XRCC5: variants seen among roughly 807,000 people sequenced by gnomAD.
XRCC5 encodes DNA repair protein Ku80.
A neutral mutation model predicts 95.7 loss-of-function variants in XRCC5; 12 were observed. The ratio of observed to expected loss-of-function variants is 0.13; its 90% CI spans 0.08 to 0.20. The LOEUF (loss-of-function observed/expected upper bound fraction) is 0.20. Ranked by LOEUF, XRCC5 falls within the 10% of genes least tolerant of loss-of-function variation. XRCC5 has a pLI of 1.00. For missense variants in XRCC5, 595 were observed against 873.9 expected (o/e 0.68, Z 4.02); for synonymous variants, 281 against 290.3 (o/e 0.97, Z 0.33).
intron 16 of XRCC5, among the ~76,000 whole-genome samples, chr2:216,184,848 A>G (rs1689464906): frequency 1.3e-5 from 2 of 152,190 alleles, no homozygotes; most frequent in South Asian, 4.1e-4. Context: ...TTGTGAGTTC[A>G]TAACACACTG....
intron 16 of XRCC5, among the ~76,000 whole-genome samples, chr2:216,164,795 G>C (rs1045748370): frequency 6.6e-5 from 10 of 152,004 alleles, no homozygotes; most frequent in African/African-American, 2.4e-4. Context: ...GAAATGCCAG[G>C]TTTAAGTGCT....
chr2:216,154,268 C>G (rs1400767697), intron 14 of XRCC5, among the ~76,000 whole-genome samples: 1 of 152,282 alleles, frequency 6.6e-6, no homozygotes, highest in East Asian at 1.9e-4. Context: ...TAGTTCTTTC[C>G]CTTTACTGTG....
intron 1 of XRCC5, among the ~76,000 whole-genome samples, 175 bp from the exon 2 acceptor site, chr2:216,112,841 G>T (rs966477716): frequency 2.6e-5 from 4 of 152,186 alleles, no homozygotes; most frequent in Non-Finnish European, 5.9e-5. Flanking sequence ...CTATTTAAGG[G>T]TTTTCCATAG....
intron 13 of XRCC5, among the ~76,000 whole-genome samples, chr2:216,143,628 G>C (rs530467208): frequency 1.1e-4 from 17 of 151,604 alleles, no homozygotes; most frequent in African/African-American, 4.1e-4. Flanking sequence ...TCTTCACTAG[G>C]ATACATAAAC....
chr2:216,205,312 T>G lies in XRCC5; in HGVS notation c.*110T>G, dbSNP rs917431729. On this transcript the variant is annotated 3_prime_UTR_variant, in exon 21 of 21. Coordinates refer to ENST00000392132, the MANE Select transcript of XRCC5 (RefSeq NM_021141.4). ...AAGGGGAGCCAAAATCTCAAGAAAT[T>G]CCCAGCAGGTTACCTGGAGGCGGAT... 7.5e-6 allele frequency: 10 copies of G among 1,333,314 alleles called. No homozygotes were observed. Among genetic ancestry groups the G allele is most frequent in the Non-Finnish European group, 1.1e-5 (10 of 924,934 alleles). 82.6% of individuals were successfully genotyped at this position (1,333,314 alleles called of 1,614,324 possible).
intron 16 of XRCC5, among the ~76,000 whole-genome samples, chr2:216,187,821 A>ACACACACACACACACACACACC (rs1312215177): frequency 4.2e-5 from 2 of 47,948 alleles, no homozygotes; most frequent in African/African-American, 2.0e-4. Context: ...ACACACACAC[A>ACACACACACACACACACACACC]CTCTCTCTCT....
At chr2:216,191,748 A>G (rs1689617404) in intron 17 of XRCC5, among the ~76,000 whole-genome samples, 1 of 152,170 alleles carries the variant, frequency 6.6e-6, no homozygotes, top group Non-Finnish European at 1.5e-5. Flanking sequence ...ATTAAGTTTT[A>G]TGGAACAATT....
intron 16 of XRCC5, among the ~76,000 whole-genome samples, chr2:216,184,032 C>CTGTGTGTGTGTGTGTGTGTGTGTG (rs3221952): frequency 3.6e-4 from 53 of 145,630 alleles, no homozygotes; most frequent in Non-Finnish European, 6.8e-4. Context: ...TAAGTCAGCA[C>CTGTGTGTGTGTGTGTGTGTGTGTG]TGTGTGTGTG....
intron 16 of XRCC5, among the ~76,000 whole-genome samples, chr2:216,174,159 T>G (rs1194833700): frequency 6.6e-6 from 1 of 151,804 alleles, no homozygotes; most frequent in African/African-American, 2.4e-5. Context: ...GCTTTTGTTT[T>G]GTTTTGTTTT....
At position 216,162,108 on chromosome 2, in the gene XRCC5, C is replaced by T. The variant is rs1228013815; in HGVS notation, c.1834+60C>T. On this transcript the variant is annotated intron_variant, in intron 16 of 20. Transcript: ENST00000392132. ...TTAGTTAAGCTAACTAATTTAAAGT[C>T]TAGATTAAGAACTGTAGCCTTTTGT... 10 of 1,464,990 alleles carry T rather than the reference C, an allele frequency of 6.8e-6. No individual in the cohort carries two copies. In the East Asian group the frequency reaches 2.0e-4, roughly 30 times the overall value. The allele number at this position is 1,464,990 out of a possible 1,614,324, so 90.7% of individuals were successfully genotyped here. A position where few individuals can be genotyped will look rare whatever the true frequency, so the allele number is the denominator to read the frequency against.
chr2:216,175,149 A>G (rs1689249295), intron 16 of XRCC5: 1 of 339,266 alleles, frequency 2.9e-6, no homozygotes, highest in Non-Finnish European at 5.8e-6. Context: ...TGTGGTTTTC[A>G]TATCCTGGTT....
intron 18 of XRCC5, among the ~76,000 whole-genome samples, chr2:216,194,010 C>T (rs1266885657): frequency 6.6e-6 from 1 of 152,214 alleles, no homozygotes; most frequent in African/African-American, 2.4e-5. Context: ...CCCTAGTCCT[C>T]TGGCCACTCT....
intron 8 of XRCC5, among the ~76,000 whole-genome samples, chr2:216,130,236 C>CT (rs5838568): frequency 0.35 from 43,685 of 125,602 alleles, 7,384 homozygotes; most frequent in East Asian, 0.69. Flanking sequence ...CAGGGCTGGA[C>CT]TTTTTTTTTT....
chr2:216,196,431 T>C (rs536059148), intron 19 of XRCC5, among the ~76,000 whole-genome samples: 1 of 152,292 alleles, frequency 6.6e-6, no homozygotes, highest in South Asian at 2.1e-4. Flanking sequence ...TGTTTGATAA[T>C]ATCTCCTCAT....
At chr2:216,159,585 CAG>C (rs1216403668) in intron 14 of XRCC5, among the ~76,000 whole-genome samples, 2 of 151,628 alleles carry the variant, frequency 1.3e-5, no homozygotes. Context: ...CAGTTGTAAA[CAG>C]AGGCTTATAA....
At chr2:216,200,371 A>C (rs66477447) in intron 19 of XRCC5, among the ~76,000 whole-genome samples, 31,066 of 151,914 alleles carry the variant, frequency 0.2, 4,526 homozygotes, top group African/African-American at 0.42. Flanking sequence ...CCCTGTTGGA[A>C]CCTGTGACAT....
chr2:216,110,451 T>C (rs1402883090), intron 1 of XRCC5: 1 of 152,234 alleles, frequency 6.6e-6, no homozygotes, highest in Non-Finnish European at 1.5e-5. Context: ...CACCTCCTTT[T>C]TTCGTCCTCT....
chr2:216,189,802 T>G, intron 16 of XRCC5, among the ~76,000 whole-genome samples: 1 of 152,172 alleles, frequency 6.6e-6, no homozygotes, highest in Middle Eastern at 3.2e-3. Flanking sequence ...ACAATTATCC[T>G]GAGTAGAATT....
chr2:216,162,971 A>G (rs956230383), intron 16 of XRCC5, among the ~76,000 whole-genome samples: 31 of 152,326 alleles, frequency 2.0e-4, no homozygotes, highest in African/African-American at 6.0e-4. Context: ...AATGGTGGCA[A>G]CTGGCAGTTG....
Sources: gnomAD v4.1 joint callset for allele counts (sites outside exome capture counted in the v4.1 genomes callset) on GRCh38, gnomAD v4.1.1 for gene constraint, MANE v1.5 for transcripts, NCBI Gene and HGNC (gene_info 2026-07-23, HGNC 2026-07-21) for gene names.